Variants in PAK1 observed in about 807,000 individuals in gnomAD.
The protein encoded by PAK1 is p21 (RAC1) activated kinase 1, also known as serine/threonine-protein kinase PAK 1.
In PAK1, 29 loss-of-function variants were observed where a neutral mutation model predicts 67.4. The ratio of observed to expected loss-of-function variants is 0.43; its 90% CI spans 0.32 to 0.59. PAK1 has a LOEUF of 0.59. PAK1 is among the 20% of genes least tolerant of loss of function. The pLI is 0.07. For missense variants in PAK1, 337 were observed against 670.7 expected (o/e 0.50, Z 5.50); for synonymous variants, 223 against 237.4 (o/e 0.94, Z 0.56).
intron 1 of PAK1, among the ~76,000 whole-genome samples, chr11:77,423,316 C>T (rs1955373090): frequency 6.8e-6 from 1 of 147,862 alleles, no homozygotes; most frequent in Non-Finnish European, 1.5e-5. Context: ...CAGGCAATCA[C>T]TCTTTCCAAG....
intron 2 of PAK1, among the ~76,000 whole-genome samples, chr11:77,389,679 T>A (rs921029426): frequency 1.3e-5 from 2 of 152,262 alleles, no homozygotes; most frequent in African/African-American, 4.8e-5. Flanking sequence ...TCTATTTAGA[T>A]ATTTTGCCCA....
Position 77,331,190 on chromosome 11 carries a change from G to C in PAK1, c.1551+1540C>G, listed in dbSNP as rs1349135622. 1.8e-4 allele frequency among the ~76,000 whole-genome samples: 28 copies of C among 152,314 alleles called. 1 individual carries two copies. The highest frequency in any genetic ancestry group is 3.4e-3 in the Middle Eastern group (1 of 294). The stretch of plus-strand genomic sequence containing the variant: ...GAACACTTTTACACTGTTGGTGGGA[G>C]TGTAAACTAGTTCAACCATTGTGGA... On this transcript the variant is annotated intron_variant, in intron 14 of 14. Transcript: ENST00000356341.
chr11:77,355,925 C>A, intron 6 of PAK1, 83 bp from the exon 7 acceptor site: 2 of 828,488 alleles, frequency 2.4e-6, no homozygotes, highest in Non-Finnish European at 2.0e-6. Flanking sequence ...TTAGAACATC[C>A]ACAGAGCAAA....
At chr11:77,482,269 G>A in the PAK1 span, among the ~76,000 whole-genome samples, 4 of 78,058 alleles carry the variant, frequency 5.1e-5, no homozygotes, top group Admixed American at 4.1e-4. Context: ...GATTACTGGC[G>A]TGAGCCACCA....
chr11:77,414,228 G>A (rs1217933048), intron 1 of PAK1, among the ~76,000 whole-genome samples: 1 of 152,150 alleles, frequency 6.6e-6, no homozygotes, highest in Non-Finnish European at 1.5e-5. Context: ...TCTTTTAGTC[G>A]TTTGTTCATT....
intron 4 of PAK1, among the ~76,000 whole-genome samples, chr11:77,377,452 G>A (rs1243240524): frequency 6.6e-6 from 1 of 152,012 alleles, no homozygotes; most frequent in Non-Finnish European, 1.5e-5. Context: ...ATATATACAT[G>A]TGCACAAATT....
At chr11:77,479,276 A>G (rs561938435), upstream of PAK1, among the ~76,000 whole-genome samples, 2 of 152,164 alleles carry the variant, frequency 1.3e-5, no homozygotes, top group African/African-American at 2.4e-5. Flanking sequence ...ATGAGAATGC[A>G]GCCCTCCGAT....
chr11:77,464,989 AGT>A (rs57578087), intron 1 of PAK1, among the ~76,000 whole-genome samples: 13,809 of 148,844 alleles, frequency 0.093, 1,996 homozygotes, highest in African/African-American at 0.31. Context: ...TACATGAAAG[AGT>A]GTGTGTGTGT....
chr11:77,475,958 G>A (rs910980916), upstream of PAK1: 9 of 152,218 alleles, frequency 5.9e-5, no homozygotes, highest in African/African-American at 2.2e-4. Flanking sequence ...ATCACCTGAG[G>A]TCAGAAGTTT....
intron 14 of PAK1, among the ~76,000 whole-genome samples, chr11:77,332,132 C>T (rs982647493): frequency 2.6e-5 from 4 of 151,014 alleles, no homozygotes; most frequent in South Asian, 2.1e-4. Flanking sequence ...AGCAAAACCC[C>T]GTCTCTACAA....
chr11:77,393,341 C>T (rs540612686), intron 1 of PAK1, among the ~76,000 whole-genome samples: 1 of 151,510 alleles, frequency 6.6e-6, no homozygotes, highest in Non-Finnish European at 1.5e-5. Flanking sequence ...TTACCCCAGG[C>T]TGGAGTGCAG....
chr11:77,491,383 G>C, the PAK1 span, among the ~76,000 whole-genome samples: 1 of 152,040 alleles, frequency 6.6e-6, no homozygotes, highest in Non-Finnish European at 1.5e-5. Flanking sequence ...GTAGAAGTTA[G>C]ATGGAAATGG....
intron 1 of PAK1, chr11:77,412,128 A>T (rs1954636942): frequency 6.6e-6 from 1 of 152,452 alleles, no homozygotes; most frequent in Non-Finnish European, 1.5e-5. Context: ...CCCAGTCTCC[A>T]GCAGGAGGTA....
chr11:77,331,622 C>G (rs1205604850), intron 14 of PAK1, among the ~76,000 whole-genome samples: 2 of 152,060 alleles, frequency 1.3e-5, no homozygotes, highest in African/African-American at 4.8e-5. Flanking sequence ...ACATCACACA[C>G]CCGGGACTGT....
chr11:77,432,519 G>A (rs1411735853), intron 1 of PAK1, among the ~76,000 whole-genome samples: 1 of 152,158 alleles, frequency 6.6e-6, no homozygotes, highest in African/African-American at 2.4e-5. Context: ...TTAGCTGGTT[G>A]TGGTGGCATG....
the PAK1 span, among the ~76,000 whole-genome samples, chr11:77,486,816 C>T: frequency 1.3e-5 from 2 of 152,230 alleles, no homozygotes; most frequent in Non-Finnish European, 2.9e-5. Flanking sequence ...CAGCAAGCCT[C>T]ATCATTGTGG....
chr11:77,378,558 C>A (rs972180917), intron 4 of PAK1, among the ~76,000 whole-genome samples: 10 of 152,152 alleles, frequency 6.6e-5, no homozygotes, highest in African/African-American at 2.2e-4. Flanking sequence ...TTATAAAGAA[C>A]TCTCACATCA....
intron 1 of PAK1, among the ~76,000 whole-genome samples, chr11:77,415,792 AT>A (rs908955600): frequency 2.4e-4 from 36 of 151,280 alleles, no homozygotes; most frequent in African/African-American, 3.4e-4. Context: ...CTAAACTTAA[AT>A]TTTTTTTTCT....
chr11:77,416,770 A>G (rs1011864650), intron 1 of PAK1, among the ~76,000 whole-genome samples: 49 of 152,198 alleles, frequency 3.2e-4, no homozygotes, highest in African/African-American at 1.1e-3. Context: ...TGGCTAACAC[A>G]GTGAAACCCC....
Sources: gnomAD v4.1 joint callset for allele counts (sites outside exome capture counted in the v4.1 genomes callset) on GRCh38, gnomAD v4.1.1 for gene constraint, MANE v1.5 for transcripts, NCBI Gene and HGNC (gene_info 2026-07-23, HGNC 2026-07-21) for gene names.